Variants in LIMS2 observed in about 807,000 individuals in gnomAD.
LIMS2 encodes LIM zinc finger domain containing 2, also known as LIM and senescent cell antigen-like-containing domain protein 2.
LIMS2 carries 30 observed loss-of-function variants against 45.3 expected under a neutral mutation model. That is an observed-to-expected ratio of 0.66 (90% confidence interval 0.50 to 0.90). LIMS2 has a LOEUF of 0.90. LIMS2 is among the 40% of genes least tolerant of loss of function. The pLI is 0.00. For missense variants in LIMS2, 485 were observed against 468.7 expected, an observed-to-expected ratio of 1.03 and a Z score of -0.32; for synonymous variants, 173 against 188.0, an observed-to-expected ratio of 0.92 and a Z score of 0.65.
rs1684008584 is a variant in LIMS2, at chr2:127,653,521, G to A, written c.359+903C>T. Among the ~76,000 whole-genome samples, 1 of 152,204 alleles carries A rather than the reference G, an allele frequency of 6.6e-6. No individual in the cohort carries two copies. Among genetic ancestry groups the A allele is most frequent in the Non-Finnish European group, 1.5e-5 (1 of 68,042 alleles). On this transcript the variant is annotated intron_variant, in intron 4 of 9. Transcript: ENST00000355119. The surrounding 1 kb of genome is among the most constrained non-coding windows in gnomAD (Gnocchi z 5.3). ...TAGGGCTCTAGGATTCTGTCTGCAA[G>A]GGCAGCCATGAGGGCCGGGCACGGA... is the stretch of plus-strand genomic sequence containing the variant.
Position 127,643,096 on chromosome 2 carries a change from G to A in LIMS2, c.360-24C>T, listed in dbSNP as rs747654492. The A allele has an allele frequency of 9.0e-6, 14 of 1,550,880 alleles. No homozygotes were observed. The Admixed American group carries it at 1.5e-4, about 17-fold the overall frequency. On this transcript the variant is annotated intron_variant, in intron 4 of 9. Transcript: ENST00000355119. ...GCCTGCGGGAGGCGGGGGCATTAGGGGCAGAGCCCCCACTCCCACACAGCC... is the reference window on the plus strand; with the variant it reads ...GCCTGCGGGAGGCGGGGGCATTAGGAGCAGAGCCCCCACTCCCACACAGCC...
intron 1 of LIMS2, chr2:127,674,036 G>T: frequency 3.0e-6 from 1 of 335,252 alleles, no homozygotes; most frequent in Non-Finnish European, 5.4e-6. Context: ...TTTGGTTCCT[G>T]GGCTGCCCTG....
chr2:127,679,338 A>C (rs10167647), upstream of LIMS2, among the ~76,000 whole-genome samples: 803 of 152,004 alleles, frequency 5.3e-3, 7 homozygotes, highest in African/African-American at 0.019. This position sits in a 1 kb window ranked among gnomAD's most constrained non-coding sequence, Gnocchi z 5.3. Context: ...TGGGGAGGGG[A>C]AGGGGAGGGA....
Position 127,639,006 on chromosome 2 carries a change from G to A in LIMS2, c.*275C>T, listed in dbSNP as rs536370813. The A allele has an allele frequency of 4.7e-5, 21 of 450,566 alleles. No homozygotes were observed. The highest frequency in any genetic ancestry group is 2.0e-4 in the South Asian group (7 of 35,362). The allele number at this position is 450,566 out of a possible 1,614,324, so 27.9% of individuals were successfully genotyped here. ...CTCCTGTCCCTGGAGGTCTGTGGGC[G>A]GAAGCTGTGGGCACAGGTGGACATG... On this transcript the variant is annotated 3_prime_UTR_variant, in exon 10 of 10. Transcript: ENST00000355119.
In LIMS2 at chr2:127,668,693, AAAAAAAAAAAAAAAAAAAC is replaced by A; in HGVS notation, c.11+6302_11+6320del. ...CAAAAAAAAAAAAAAAAAAAAAAAAAAAAAAAAAAAAAAAAAAACACCTTACTTAAAAATTACAATTTAC... is the reference window on the plus strand; with the variant it reads ...CAAAAAAAAAAAAAAAAAAAAAAAAAACCTTACTTAAAAATTACAATTTAC... On this transcript the variant is annotated intron_variant, in intron 1 of 9. Coordinates refer to ENST00000355119, the MANE Select transcript of LIMS2 (RefSeq NM_001161403.3). Among the ~76,000 whole-genome samples, 5 of 134,446 alleles carry A rather than the reference AAAAAAAAAAAAAAAAAAAC, an allele frequency of 3.7e-5. 1 individual carries two copies. The highest frequency in any genetic ancestry group is 2.2e-4 in the Admixed American group (3 of 13,746). 88.2% of individuals were successfully genotyped at this position (134,446 alleles called of 152,430 possible).
chr2:127,641,235 C>T (rs890428963), intron 6 of LIMS2: 1 of 465,528 alleles, frequency 2.1e-6, no homozygotes, highest in Non-Finnish European at 4.0e-6. Flanking sequence ...CAGACCCTAC[C>T]CCTCCTCTAA....
At chr2:127,655,008 G>C (rs1684160524) in intron 2 of LIMS2, 112 bp from the exon 3 acceptor site, 2 of 971,244 alleles carry the variant, frequency 2.1e-6, no homozygotes, top group Non-Finnish European at 3.2e-6. Flanking sequence ...CTGAGGCAGG[G>C]GCATGCCGGG....
chr2:127,671,173 T>C lies in LIMS2; in HGVS notation c.11+3841A>G, dbSNP rs1255542455. ...CAGGCTGGGCACGGTTGTTCACGCC[T>C]GTAATCACAGCACTTTGGGAGGCCA... On this transcript the variant is annotated intron_variant, in intron 1 of 9. Coordinates refer to ENST00000355119, the MANE Select transcript of LIMS2 (RefSeq NM_001161403.3). The surrounding 1 kb of genome is among the most constrained non-coding windows in gnomAD (Gnocchi z 4.1). Among the ~76,000 whole-genome samples the C allele has an allele frequency of 6.6e-6, 1 of 152,054 alleles. No individual in the cohort carries two copies. Among genetic ancestry groups the C allele is most frequent in the Non-Finnish European group, 1.5e-5 (1 of 68,010 alleles).
chr2:127,666,405 G>C (rs1263267209), intron 1 of LIMS2, among the ~76,000 whole-genome samples: 1 of 139,198 alleles, frequency 7.2e-6, no homozygotes, highest in African/African-American at 2.9e-5. Context: ...ACACAAACCA[G>C]TGAGGTTTGT....
chr2:127,639,943 G>A (rs561284425), intron 9 of LIMS2, 127 bp downstream of exon 9: 34 of 998,042 alleles, frequency 3.4e-5, no homozygotes, highest in South Asian at 1.5e-4. Flanking sequence ...GTATAAGGCC[G>A]GGCTGCCCCT....
chr2:127,639,554 C>T, intron 9 of LIMS2, 126 bp from the exon 10 acceptor site: 2 of 1,201,640 alleles, frequency 1.7e-6, no homozygotes, highest in Non-Finnish European at 2.4e-6. Flanking sequence ...GCCAGCAGGC[C>T]AGGCCCTAGG....
intron 6 of LIMS2, chr2:127,641,571 A>G (rs900528289): frequency 6.2e-6 from 1 of 160,202 alleles, no homozygotes; most frequent in African/African-American, 2.4e-5. Context: ...TGGCCAGGTC[A>G]TCAGGGGAGG....
intron 1 of LIMS2, among the ~76,000 whole-genome samples, chr2:127,661,847 A>C (rs913658499): frequency 3.9e-5 from 6 of 152,154 alleles, no homozygotes; most frequent in Non-Finnish European, 8.8e-5. Context: ...GCACAGAGAG[A>C]GTCAGTAACC....
At position 127,654,476 on chromosome 2, in the gene LIMS2, C is replaced by T; in HGVS notation, c.307G>A (p.Glu103Lys). ...TCAGCCAGCTCCACATCACACAGCT[C>T]GCAGCGGAAGCAGCCCGGGTGCCAG... ...NNWHPGCFRC[E>K]LCDVELADLG... The change falls in exon 4 of 10, where the codon GAG becomes AAG. Residue 103 changes from glutamate (E) to lysine (K), a missense_variant. Coordinates refer to ENST00000355119, the MANE Select transcript of LIMS2 (RefSeq NM_001161403.3). 2.5e-6 allele frequency: 4 copies of T among 1,614,170 alleles called. No homozygotes were observed. Among genetic ancestry groups the T allele is most frequent in the South Asian group, 1.1e-5 (1 of 91,090 alleles).
rs112710244 is a variant in LIMS2 at position 127,640,512 on chromosome 2, G to A, written c.754-194C>T. ...ACCACCCTTCCGGGAAGGACAACAG[G>A]CTGGGGCGTTGCTCCCCAGAAGGCC... On this transcript the variant is annotated intron_variant, in intron 7 of 9. Coordinates refer to ENST00000355119, the MANE Select transcript of LIMS2 (RefSeq NM_001161403.3). The A allele has an allele frequency of 1.3e-5, 8 of 637,396 alleles. No homozygotes were observed. In the African/African-American group the frequency reaches 1.3e-4, roughly 10 times the overall value. 39.5% of individuals were successfully genotyped at this position (637,396 alleles called of 1,614,324 possible). A position where few individuals can be genotyped will look rare whatever the true frequency, so the allele number is the denominator to read the frequency against.
At chr2:127,679,635 A>G (rs1372090055), upstream of LIMS2, among the ~76,000 whole-genome samples, 1 of 152,070 alleles carries the variant, frequency 6.6e-6, no homozygotes, top group African/African-American at 2.4e-5. This position sits in a 1 kb window ranked among gnomAD's most constrained non-coding sequence, Gnocchi z 5.3. Context: ...TCCCTACTCC[A>G]GGGGACAGCT....
In LIMS2 at chr2:127,671,875, C is replaced by T. The variant is rs1254865318; in HGVS notation, c.11+3139G>A. ...TTTGCTTAAGCCCCTGACGCCACTG[C>T]AGCCTCGTGTGCTGTGCTGAGGGCT... On this transcript the variant is annotated intron_variant, in intron 1 of 9. Transcript: ENST00000355119. This position sits in a 1 kb window ranked among gnomAD's most constrained non-coding sequence, Gnocchi z 4.1. 6.6e-6 allele frequency among the ~76,000 whole-genome samples: 1 copy of T among 151,518 alleles called. No individual in the cohort carries two copies. Among genetic ancestry groups the T allele is most frequent in the Non-Finnish European group, 1.5e-5 (1 of 68,040 alleles).
Position 127,668,698 on chromosome 2 carries a change from A to AC in LIMS2, c.11+6315_11+6316insG, listed in dbSNP as rs540741186. 1.4e-4 allele frequency among the ~76,000 whole-genome samples: 11 copies of AC among 77,800 alleles called. No homozygotes were observed. In the South Asian group the frequency reaches 2.2e-3, roughly 15 times the overall value. The allele number at this position is 77,800 out of a possible 152,430, so 51.0% of individuals were successfully genotyped here. ...AAAAAAAAAAAAAAAAAAAAAAAAA[A>AC]AAAAAAAAAAAAACACCTTACTTAA... On this transcript the variant is annotated intron_variant, in intron 1 of 9. Coordinates refer to ENST00000355119, the MANE Select transcript of LIMS2 (RefSeq NM_001161403.3).
intron 4 of LIMS2, chr2:127,650,928 C>A: frequency 1.9e-6 from 3 of 1,614,050 alleles, no homozygotes; most frequent in Non-Finnish European, 2.5e-6. Flanking sequence ...GTCCGGGACC[C>A]CGGCCAACGT....
Sources: allele counts gnomAD v4.1 joint callset (sites outside exome capture counted in the v4.1 genomes callset), GRCh38; gene constraint gnomAD v4.1.1; non-coding constraint Gnocchi (gnomAD v3.1); transcripts MANE v1.5; gene names NCBI Gene and HGNC (gene_info 2026-07-23, HGNC 2026-07-21).